LRRC4C: variants seen among roughly 807,000 people sequenced by gnomAD.
LRRC4C encodes leucine-rich repeat-containing protein 4C.
LRRC4C carries 5 observed loss-of-function variants against 33.6 expected under a neutral mutation model. The observed-to-expected ratio is 0.15, with a 90% CI of 0.08 to 0.31. The LOEUF (loss-of-function observed/expected upper bound fraction) is 0.31, where lower values mean the gene tolerates loss of function less well. Ranked by LOEUF, LRRC4C falls within the 10% of genes least tolerant of loss-of-function variation. The pLI is 1.00. For missense variants in LRRC4C, 560 were observed against 796.7 expected, an observed-to-expected ratio of 0.70 and a Z score of 3.58; for synonymous variants, 329 against 302.0, an observed-to-expected ratio of 1.09 and a Z score of -0.93.
At chr11:40,162,938 T>G (rs1478264214) in intron 5 of LRRC4C, among the ~76,000 whole-genome samples, 1 of 152,206 alleles carries the variant, frequency 6.6e-6, no homozygotes, top group Non-Finnish European at 1.5e-5. Flanking sequence ...ATGTTCTCAT[T>G]TGCCATCTCA....
chr11:40,613,921 T>C (rs563329258), intron 3 of LRRC4C, among the ~76,000 whole-genome samples: 2 of 151,950 alleles, frequency 1.3e-5, no homozygotes, highest in Admixed American at 1.3e-4. Flanking sequence ...AACAGTGAGC[T>C]TAAAATATAT....
intron 2 of LRRC4C, among the ~76,000 whole-genome samples, chr11:40,752,039 G>GTT (rs1948713978): frequency 1.3e-5 from 2 of 152,028 alleles, no homozygotes; most frequent in African/African-American, 4.8e-5. Flanking sequence ...GGGAAAATTG[G>GTT]ATGTCCATGT....
intron 2 of LRRC4C, among the ~76,000 whole-genome samples, chr11:40,806,070 A>T (rs558783344): frequency 6.6e-4 from 101 of 152,312 alleles, no homozygotes; most frequent in African/African-American, 2.4e-3. Context: ...TAATTTCTAA[A>T]TGCATACACT....
intron 2 of LRRC4C, among the ~76,000 whole-genome samples, chr11:40,921,790 A>T (rs1237577687): frequency 6.6e-6 from 1 of 152,162 alleles, no homozygotes; most frequent in Non-Finnish European, 1.5e-5. Flanking sequence ...AAGCCACTAA[A>T]TTTGTGATAA....
intron 1 of LRRC4C, among the ~76,000 whole-genome samples, chr11:41,126,344 C>A (rs199816519): frequency 6.6e-6 from 1 of 151,560 alleles, no homozygotes; most frequent in African/African-American, 2.4e-5. Flanking sequence ...AAGGTGGTAC[C>A]TAGTAAAACC....
At chr11:41,021,674 A>C (rs191610638) in intron 1 of LRRC4C, among the ~76,000 whole-genome samples, 7 of 152,194 alleles carry the variant, frequency 4.6e-5, no homozygotes, top group Non-Finnish European at 8.8e-5. Context: ...AACGAAAGAA[A>C]AATCTCCAAA....
intron 3 of LRRC4C, among the ~76,000 whole-genome samples, chr11:40,513,546 C>G (rs943008325): frequency 2.0e-5 from 3 of 152,074 alleles, no homozygotes; most frequent in African/African-American, 7.2e-5. Flanking sequence ...GAGAGCCTTG[C>G]TTTGTCTTCC....
At chr11:41,122,566 TTTC>T (rs1313930510) in intron 1 of LRRC4C, among the ~76,000 whole-genome samples, 6 of 152,050 alleles carry the variant, frequency 3.9e-5, no homozygotes, top group African/African-American at 1.4e-4. Flanking sequence ...GCCCAGATGA[TTTC>T]TTGTGCCAAT....
rs891276114 is a variant in LRRC4C at position 40,292,072 on chromosome 11, G to C, written c.-176+27556C>G. On this transcript the variant is annotated intron_variant, in intron 4 of 6. Coordinates refer to ENST00000528697, the MANE Select transcript of LRRC4C (RefSeq NM_001258419.2). ...GGGCCACCCATTCCCTTATTTTCTG[G>C]CCCCCAATAGCCAGTTCTTTAAAAA... is the stretch of plus-strand genomic sequence containing the variant. 3.3e-5 allele frequency: 5 copies of C among 151,044 alleles called. No individual in the cohort carries two copies. The South Asian group carries it at 6.3e-4, about 19-fold the overall frequency. The allele number at this position is 151,044 out of a possible 1,614,324, so 9.4% of individuals were successfully genotyped here.
At chr11:41,192,065 C>A (rs1277981263) in intron 1 of LRRC4C, among the ~76,000 whole-genome samples, 1 of 152,140 alleles carries the variant, frequency 6.6e-6, no homozygotes, top group African/African-American at 2.4e-5. Context: ...CACAGCACAT[C>A]ACTCACTTCA....
At chr11:41,437,399 GCACA>G (rs1169157103) in intron 1 of LRRC4C, among the ~76,000 whole-genome samples, 1 of 140,768 alleles carries the variant, frequency 7.1e-6, no homozygotes, top group Non-Finnish European at 1.5e-5. Flanking sequence ...AGACACACAC[GCACA>G]CACACAAACG....
At chr11:40,195,923 C>T (rs936895574) in intron 5 of LRRC4C, among the ~76,000 whole-genome samples, 4 of 152,096 alleles carry the variant, frequency 2.6e-5, no homozygotes, top group Non-Finnish European at 5.9e-5. Flanking sequence ...AAATGGAATT[C>T]CCGATATAGT....
chr11:40,564,392 G>A (rs992863001), intron 3 of LRRC4C, among the ~76,000 whole-genome samples: 1 of 152,120 alleles, frequency 6.6e-6, no homozygotes, highest in African/African-American at 2.4e-5. Context: ...TTCTTTTCTA[G>A]GAAGGTCCAG....
At chr11:40,625,377 G>T (rs4756612) in intron 3 of LRRC4C, among the ~76,000 whole-genome samples, 5 of 151,638 alleles carry the variant, frequency 3.3e-5, no homozygotes, top group Non-Finnish European at 7.4e-5. Context: ...ACTAACATAA[G>T]GGAAGGTGAA....
At chr11:40,211,084 A>G (rs1348319321) in intron 5 of LRRC4C, among the ~76,000 whole-genome samples, 1 of 152,170 alleles carries the variant, frequency 6.6e-6, no homozygotes, top group Non-Finnish European at 1.5e-5. Flanking sequence ...GCCAAAAAAT[A>G]CCATATCTTA....
At chr11:41,397,365 AG>A (rs1412543359) in intron 1 of LRRC4C, among the ~76,000 whole-genome samples, 1 of 151,980 alleles carries the variant, frequency 6.6e-6, no homozygotes, top group Admixed American at 6.6e-5. Context: ...AAAGACAATA[AG>A]GATGAACACC....
At chr11:40,945,023 CTTTTTTTTTT>C (rs767515626) in intron 1 of LRRC4C, among the ~76,000 whole-genome samples, 2 of 111,122 alleles carry the variant, frequency 1.8e-5, no homozygotes, top group African/African-American at 7.2e-5. Flanking sequence ...TGCAGTTTTT[CTTTTTTTTTT>C]TTTTTTTTTT....
At chr11:40,443,008 A>G (rs972202418) in intron 3 of LRRC4C, among the ~76,000 whole-genome samples, 1 of 152,176 alleles carries the variant, frequency 6.6e-6, no homozygotes, top group African/African-American at 2.4e-5. Flanking sequence ...TATAATTCCT[A>G]TACATGTCCA....
At chr11:40,586,193 G>A (rs1252182967) in intron 3 of LRRC4C, among the ~76,000 whole-genome samples, 1 of 151,176 alleles carries the variant, frequency 6.6e-6, no homozygotes, top group African/African-American at 2.4e-5. Flanking sequence ...GTATCTCATT[G>A]TGGTTTTGAT....
Sources: gnomAD v4.1 joint callset for allele counts (sites outside exome capture counted in the v4.1 genomes callset) on GRCh38, gnomAD v4.1.1 for gene constraint, MANE v1.5 for transcripts, NCBI Gene and HGNC (gene_info 2026-07-23, HGNC 2026-07-21) for gene names.